The following NEU3 variants were observed in gnomAD, a reference collection of about 807,000 sequenced individuals.
NEU3 encodes the protein sialidase-3.
Under a neutral mutation model 11.4 loss-of-function variants are expected in NEU3, and 10 were observed. That is an observed-to-expected ratio of 0.88 (90% CI 0.54 to 1.49). The LOEUF is 1.49. NEU3 is among the 40% of genes most tolerant of loss of function. The pLI is 0.00. For missense variants in NEU3, 529 were observed against 581.8 expected, an observed-to-expected ratio of 0.91 and a Z score of 0.93; for synonymous variants, 212 against 228.2, an observed-to-expected ratio of 0.93 and a Z score of 0.64.
At chr11:75,011,629 A>T (rs1433203747), downstream of NEU3, among the ~76,000 whole-genome samples, 2 of 152,198 alleles carry the variant, frequency 1.3e-5, no homozygotes, top group Non-Finnish European at 2.9e-5. Context: ...AAGAGTCCTG[A>T]TGATAGCCAG....
At chr11:75,004,860 C>G (rs536412) in intron 2 of NEU3, among the ~76,000 whole-genome samples, 112,471 of 151,998 alleles carry the variant, frequency 0.74, 42,364 homozygotes, top group Non-Finnish European at 0.82. Context: ...CTTAAAATTT[C>G]TGTATTTGTT....
chr11:74,986,212 T>C (rs897170340), upstream of NEU3, among the ~76,000 whole-genome samples: 5 of 152,202 alleles, frequency 3.3e-5, no homozygotes, highest in African/African-American at 1.2e-4. Context: ...CATGACAGTT[T>C]ATTTACCCTA....
chr11:75,004,900 TTTTC>T (rs958055223), intron 2 of NEU3, among the ~76,000 whole-genome samples: 1 of 152,166 alleles, frequency 6.6e-6, no homozygotes, highest in Non-Finnish European at 1.5e-5. Context: ...TCCTTTTCTT[TTTTC>T]TTTCTTTCCT....
intron 1 of NEU3, 73 bp from the exon 2 acceptor site, chr11:74,994,436 T>C (rs1248838226): frequency 2.0e-5 from 25 of 1,245,054 alleles, no homozygotes; most frequent in Non-Finnish European, 2.3e-5. Flanking sequence ...AGAAGTGAAA[T>C]GATGAAGCAG....
chr11:75,019,684 C>T (rs1207655598), downstream of NEU3, among the ~76,000 whole-genome samples: 6 of 152,210 alleles, frequency 3.9e-5, no homozygotes, highest in Non-Finnish European at 7.3e-5. Context: ...AACCTCTGCC[C>T]AGATTTCAGA....
chr11:74,990,065 T>C (rs1223562751), intron 1 of NEU3: 3 of 700,884 alleles, frequency 4.3e-6, no homozygotes, highest in Non-Finnish European at 7.8e-6. Flanking sequence ...TTAATGGCTC[T>C]AATTGTTATA....
chr11:74,996,212 A>G (rs2140239688), intron 2 of NEU3, among the ~76,000 whole-genome samples: 1 of 152,326 alleles, frequency 6.6e-6, no homozygotes, highest in East Asian at 1.9e-4. Flanking sequence ...ACTTCCTTTC[A>G]CAAAAGATTT....
upstream of NEU3, among the ~76,000 whole-genome samples, chr11:74,987,813 AAAAAAT>A (rs747792727): frequency 8.6e-5 from 13 of 151,810 alleles, no homozygotes; most frequent in South Asian, 6.2e-4. Flanking sequence ...ACTCCATCTC[AAAAAAT>A]AAAAATAAAA....
chr11:75,014,478 C>A (rs546516036), downstream of NEU3, among the ~76,000 whole-genome samples: 1 of 152,204 alleles, frequency 6.6e-6, no homozygotes, highest in Non-Finnish European at 1.5e-5. Context: ...CATCCCTAAT[C>A]CTCACAACAG....
rs140537310 is a variant in NEU3 at position 75,002,309 on chromosome 11, A to G, written c.307-3104A>G. ...CTCAGGCAAATGGCTCTGAGAGTCTATGATCTGCGCCTGCTTAATCTGTTT... is the reference window on the plus strand; with the variant it reads ...CTCAGGCAAATGGCTCTGAGAGTCTGTGATCTGCGCCTGCTTAATCTGTTT... On this transcript the variant is annotated intron_variant, in intron 2 of 2. Coordinates refer to ENST00000294064, the MANE Select transcript of NEU3 (RefSeq NM_006656.6). 2.6e-3 allele frequency among the ~76,000 whole-genome samples: 400 copies of G among 152,376 alleles called. 2 individuals are homozygous for G. Among genetic ancestry groups the G allele is most frequent in the African/African-American group, 9.2e-3 (384 of 41,590 alleles).
chr11:74,991,463 G>A (rs192091163), intron 1 of NEU3, among the ~76,000 whole-genome samples: 2 of 152,310 alleles, frequency 1.3e-5, no homozygotes, highest in East Asian at 3.9e-4. Context: ...GACACTAGGA[G>A]GCTGTAGCCA....
At chr11:74,990,540 A>G (rs1425085023) in intron 1 of NEU3, among the ~76,000 whole-genome samples, 1 of 151,994 alleles carries the variant, frequency 6.6e-6, no homozygotes, top group Non-Finnish European at 1.5e-5. Flanking sequence ...TTGTATTTTT[A>G]GTAGAGATGG....
upstream of NEU3, among the ~76,000 whole-genome samples, chr11:74,984,305 C>T (rs1948654418): frequency 6.6e-6 from 1 of 152,206 alleles, no homozygotes; most frequent in Admixed American, 6.5e-5. Context: ...CACATGCTCA[C>T]TGCCCATTAT....
At chr11:75,020,427 T>C (rs1948998020), downstream of NEU3, among the ~76,000 whole-genome samples, 1 of 152,138 alleles carries the variant, frequency 6.6e-6, no homozygotes, top group African/African-American at 2.4e-5. Context: ...TTCCTACATG[T>C]TGTGGGAGGG....
chr11:75,005,787 T>C lies in NEU3; in HGVS notation c.681T>C (p.Cys227=). The C allele has an allele frequency of 1.2e-6, 2 of 1,613,940 alleles. No individual in the cohort carries two copies. Among genetic ancestry groups the C allele is most frequent in the South Asian group, 1.1e-5 (1 of 91,086 alleles). Residue 227 remains cysteine, a synonymous_variant, in exon 3 of 3, where the codon TGT becomes TGC. Transcript: ENST00000294064. ...GGTTCTTTTGCTTCCAGCTACCATGTAAAACCAGGCCTCATTCTCTGATGA... is the reference window on the plus strand; with the variant it reads ...GGTTCTTTTGCTTCCAGCTACCATGCAAAACCAGGCCTCATTCTCTGATGA... ...PSWFFCFQLP[C]KTRPHSLMIY...
rs780578598 is a variant in NEU3, at chr11:74,989,087, C to A, written c.27C>A (p.Arg9=). The A allele has an allele frequency of 6.4e-7, 1 of 1,550,910 alleles. No individual in the cohort carries two copies. The highest frequency in any genetic ancestry group is 1.2e-5 in the South Asian group (1 of 84,038). The change falls in exon 1 of 3, where the codon CGC becomes CGA. Residue 9 remains arginine, a synonymous_variant. Transcript: ENST00000294064. MRPADLPP[R]PMEESPASSS... ...TGAGACCTGCGGACCTGCCCCCGCG[C>A]CCCATGGAAGAATCCCCGGCGTCCA... is the stretch of plus-strand genomic sequence containing the variant.
upstream of NEU3, among the ~76,000 whole-genome samples, chr11:74,985,864 T>C (rs2140227558): frequency 6.6e-6 from 1 of 152,360 alleles, no homozygotes; most frequent in East Asian, 1.9e-4. Context: ...GGGCACCATC[T>C]GCCTAGCACA....
downstream of NEU3, among the ~76,000 whole-genome samples, chr11:75,014,207 A>G (rs1463913141): frequency 6.6e-6 from 1 of 152,208 alleles, no homozygotes; most frequent in African/African-American, 2.4e-5. Flanking sequence ...TTCTGTTGTC[A>G]CCAACTAGGA....
At chr11:75,016,171 G>C in intron 3 of NEU3, among the ~76,000 whole-genome samples, 1 of 152,308 alleles carries the variant, frequency 6.6e-6, no homozygotes, top group East Asian at 1.9e-4. Context: ...TCAAATATGA[G>C]ATTCAAGGGT....
Sources: allele counts gnomAD v4.1 joint callset (sites outside exome capture counted in the v4.1 genomes callset), GRCh38; gene constraint gnomAD v4.1.1; transcripts MANE v1.5; gene names NCBI Gene and HGNC (gene_info 2026-07-23, HGNC 2026-07-21).